RBFOX1: variants seen among roughly 807,000 people sequenced by gnomAD.
The protein encoded by RBFOX1 is RNA binding protein fox-1 homolog 1.
A neutral mutation model predicts 57.7 loss-of-function variants in RBFOX1; 8 were observed. That is an observed-to-expected ratio of 0.14 (90% CI 0.08 to 0.25). The LOEUF (loss-of-function observed/expected upper bound fraction) is 0.25. Among genes scored for constraint, RBFOX1 ranks in the 10% least tolerant of loss-of-function variants. The pLI, the probability that RBFOX1 is intolerant of heterozygous loss-of-function variation, is 1.00. For missense variants in RBFOX1, 611 were observed against 548.5 expected (o/e 1.11, Z -1.14); for synonymous variants, 326 against 222.4 (o/e 1.47, Z -4.15).
intron 3 of RBFOX1, among the ~76,000 whole-genome samples, chr16:7,027,764 C>A (rs1042288959): frequency 6.8e-6 from 1 of 147,708 alleles, no homozygotes; most frequent in South Asian, 2.1e-4. Flanking sequence ...TTGTAACATA[C>A]AGCTTGCATT....
rs1036804696 is a variant in RBFOX1 at position 5,935,924 on chromosome 16, A to C, written c.351+68589A>C. On this transcript the variant is annotated intron_variant, in intron 4 of 19. Transcript: ENST00000641259. ...GCTACAGAAGTACAAGCAAAACTCT[A>C]CCTCAACCAGCCTCCCCTGGAGGCC... 1.8e-4 allele frequency among the ~76,000 whole-genome samples: 27 copies of C among 152,106 alleles called. 1 individual carries two copies. Among genetic ancestry groups the C allele is most frequent in the Admixed American group, 1.3e-3 (20 of 15,286 alleles).
At chr16:6,580,822 G>A (rs1291965487) in intron 2 of RBFOX1, among the ~76,000 whole-genome samples, 1 of 151,646 alleles carries the variant, frequency 6.6e-6, no homozygotes, top group East Asian at 1.9e-4. Flanking sequence ...CAAAGACTAA[G>A]ACCCTCAAAA....
chr16:6,113,183 C>A (rs1446567634), intron 1 of RBFOX1, among the ~76,000 whole-genome samples: 2 of 152,130 alleles, frequency 1.3e-5, no homozygotes, highest in East Asian at 3.9e-4. Flanking sequence ...CTTTCATCCT[C>A]CTTAGACCAG....
At chr16:7,359,326 A>G (rs1294346711) in intron 4 of RBFOX1, among the ~76,000 whole-genome samples, 1 of 152,242 alleles carries the variant, frequency 6.6e-6, no homozygotes. Context: ...TAAAATGTTT[A>G]TCACATAGTA....
At chr16:6,081,349 A>G (rs1046161875) in intron 1 of RBFOX1, among the ~76,000 whole-genome samples, 2 of 152,170 alleles carry the variant, frequency 1.3e-5, no homozygotes, top group African/African-American at 2.4e-5. Context: ...GATTAGTATA[A>G]CATTCCGGAG....
chr16:6,347,361 A>C (rs573841397), intron 2 of RBFOX1, among the ~76,000 whole-genome samples: 57 of 152,292 alleles, frequency 3.7e-4, no homozygotes, highest in African/African-American at 1.2e-3. Context: ...CTTGGTTCTA[A>C]AGATACAGCT....
intron 4 of RBFOX1, among the ~76,000 whole-genome samples, chr16:7,223,124 C>T (rs2092850098): frequency 6.6e-6 from 1 of 152,176 alleles, no homozygotes; most frequent in African/African-American, 2.4e-5. Flanking sequence ...AGGTAGCTCA[C>T]CACATCTACA....
At chr16:7,545,806 G>A (rs545968129) in intron 5 of RBFOX1, among the ~76,000 whole-genome samples, 2 of 152,088 alleles carry the variant, frequency 1.3e-5, no homozygotes, top group Non-Finnish European at 2.9e-5. Context: ...CTGCCATTCT[G>A]ACACTGAATA....
intron 1 of RBFOX1, among the ~76,000 whole-genome samples, chr16:5,278,130 CA>C: frequency 1.3e-5 from 2 of 152,236 alleles, no homozygotes; most frequent in South Asian, 4.1e-4. Context: ...CAACAATATA[CA>C]ATAATATTCT....
chr16:5,803,234 AT>A (rs756563009), intron 3 of RBFOX1, among the ~76,000 whole-genome samples: 1 of 152,136 alleles, frequency 6.6e-6, no homozygotes, highest in Non-Finnish European at 1.5e-5. Context: ...GTATGTCAGC[AT>A]CAGGCCCATC....
At chr16:7,526,778 T>G (rs1241841314) in intron 5 of RBFOX1, among the ~76,000 whole-genome samples, 2 of 152,188 alleles carry the variant, frequency 1.3e-5, no homozygotes, top group Non-Finnish European at 2.9e-5. Context: ...CCCCACCACG[T>G]ATGAAGTGTT....
chr16:7,227,292 C>CCCCCT (rs2093194840), intron 4 of RBFOX1, among the ~76,000 whole-genome samples: 1 of 138,290 alleles, frequency 7.2e-6, no homozygotes, highest in Non-Finnish European at 1.6e-5. Context: ...CCCACCCCAC[C>CCCCCT]CCCACACACA....
intron 3 of RBFOX1, among the ~76,000 whole-genome samples, chr16:5,840,912 T>C (rs1393328671): frequency 5.3e-5 from 8 of 152,164 alleles, no homozygotes; most frequent in Non-Finnish European, 1.2e-4. Flanking sequence ...TCTGCCTCTC[T>C]TCAACCAAAA....
At chr16:6,306,540 C>T (rs2079538031) in intron 1 of RBFOX1, among the ~76,000 whole-genome samples, 1 of 152,150 alleles carries the variant, frequency 6.6e-6, no homozygotes, top group Admixed American at 6.5e-5. Flanking sequence ...CACGTGTGTG[C>T]CAGGCCAGCT....
chr16:5,668,328 A>G (rs1019184048), intron 3 of RBFOX1, among the ~76,000 whole-genome samples: 3 of 152,206 alleles, frequency 2.0e-5, no homozygotes, highest in African/African-American at 7.2e-5. Context: ...GCTAAAATAT[A>G]TAATTAAGGT....
At chr16:5,619,453 T>C (rs1422453214) in intron 3 of RBFOX1, among the ~76,000 whole-genome samples, 2 of 152,108 alleles carry the variant, frequency 1.3e-5, no homozygotes, top group African/African-American at 2.4e-5. Flanking sequence ...TATGACCTCA[T>C]CTCTCGCCCC....
chr16:7,140,082 G>A (rs1359097658), intron 4 of RBFOX1, among the ~76,000 whole-genome samples: 1 of 150,272 alleles, frequency 6.7e-6, no homozygotes, highest in Non-Finnish European at 1.5e-5. Context: ...CTCTGTCTAG[G>A]TATTTATGGA....
chr16:5,266,878 GA>G (rs2062872697), intron 1 of RBFOX1, among the ~76,000 whole-genome samples: 1 of 152,026 alleles, frequency 6.6e-6, no homozygotes, highest in African/African-American at 2.4e-5. Context: ...AGTTTGTAAG[GA>G]AAGTACTGTG....
At chr16:7,500,543 C>G (rs2070400855) in intron 4 of RBFOX1, among the ~76,000 whole-genome samples, 1 of 152,116 alleles carries the variant, frequency 6.6e-6, no homozygotes, top group South Asian at 2.1e-4. Flanking sequence ...TGTAGCTAGA[C>G]TTGTCGGGTC....
Sources: gnomAD v4.1 joint callset for allele counts (sites outside exome capture counted in the v4.1 genomes callset) on GRCh38, gnomAD v4.1.1 for gene constraint, MANE v1.5 for transcripts, NCBI Gene and HGNC (gene_info 2026-07-23, HGNC 2026-07-21) for gene names.